The following HIRA variants were observed in gnomAD, a reference collection of about 807,000 sequenced individuals.
The protein encoded by HIRA is histone cell cycle regulator.
In HIRA, 13 loss-of-function variants were observed where a neutral mutation model predicts 126.6. The observed-to-expected ratio is 0.10, with a 90% CI of 0.07 to 0.16. The LOEUF is 0.16. Among genes scored for constraint, HIRA ranks in the 10% least tolerant of loss-of-function variants. The pLI, the probability that HIRA is intolerant of heterozygous loss-of-function variation, is 1.00. For missense variants in HIRA, 834 were observed against 1,314.4 expected, an observed-to-expected ratio of 0.63 and a Z score of 5.65; for synonymous variants, 511 against 520.0, an observed-to-expected ratio of 0.98 and a Z score of 0.24.
intron 1 of HIRA, among the ~76,000 whole-genome samples, chr22:19,426,713 A>G (rs2089491160): frequency 6.6e-6 from 1 of 152,226 alleles, no homozygotes; most frequent in Non-Finnish European, 1.5e-5. Context: ...TGTTTGTTGC[A>G]TAAATCAGTG....
At position 19,351,412 on chromosome 22, in the gene HIRA, G is replaced by T; in HGVS notation, c.2883C>A (p.Asp961Glu). 1 of 1,613,734 alleles carries T rather than the reference G, an allele frequency of 6.2e-7. No homozygotes were observed. The highest frequency in any genetic ancestry group is 8.5e-7 in the Non-Finnish European group (1 of 1,179,800). ...TGGAGTAGTGAACCGGACCCAGTAA[G>T]TCCTTGCATATTTCTCGAAGTCGGT... is the stretch of plus-strand genomic sequence containing the variant. The part of the protein sequence containing the change: ...FEYRLREICK[D>E]LLGPVHYSTG... The change falls in exon 24 of 25, where the codon GAC becomes GAA. Residue 961 changes from aspartate to glutamate, a missense_variant. By Grantham distance (45) the Asp-to-Glu change is conservative. Transcript: ENST00000263208. The surrounding 1 kb of genome is among the most constrained non-coding windows in gnomAD (Gnocchi z 4.8).
At chr22:19,331,629 G>T in intron 24 of HIRA, 73 bp from the exon 25 acceptor site, 1 of 1,392,892 alleles carries the variant, frequency 7.2e-7, no homozygotes, top group Non-Finnish European at 9.8e-7. Context: ...TTCCTGGCCT[G>T]GCAGAGAACC....
At chr22:19,406,632 A>C (rs891975780) in intron 4 of HIRA, among the ~76,000 whole-genome samples, 1 of 152,206 alleles carries the variant, frequency 6.6e-6, no homozygotes, top group Non-Finnish European at 1.5e-5. Flanking sequence ...CTGCTCTTGA[A>C]GCCACAGCCA....
At chr22:19,408,983 C>T (rs1187036921) in intron 2 of HIRA, among the ~76,000 whole-genome samples, 1 of 152,184 alleles carries the variant, frequency 6.6e-6, no homozygotes, top group East Asian at 1.9e-4. Flanking sequence ...AAGGGAAAGT[C>T]AATGTCATAA....
At chr22:19,409,091 G>A (rs1482802623) in intron 2 of HIRA, among the ~76,000 whole-genome samples, 2 of 152,262 alleles carry the variant, frequency 1.3e-5, no homozygotes, top group East Asian at 3.9e-4. Flanking sequence ...AATTTAGGCT[G>A]TTCCAGAGCC....
chr22:19,336,565 T>C (rs190596785), intron 24 of HIRA, among the ~76,000 whole-genome samples: 25 of 152,340 alleles, frequency 1.6e-4, no homozygotes, highest in Admixed American at 4.6e-4. Flanking sequence ...ACTTCACTGG[T>C]AGCATAACCA....
intron 11 of HIRA, among the ~76,000 whole-genome samples, chr22:19,386,103 C>T (rs563721308): frequency 3.9e-4 from 59 of 152,174 alleles, no homozygotes; most frequent in Non-Finnish European, 6.6e-4. Flanking sequence ...ACTCCTAGGA[C>T]CCAAATGATT....
intron 5 of HIRA, 105 bp downstream of exon 5, chr22:19,405,681 T>C (rs574311705): frequency 6.4e-6 from 6 of 935,386 alleles, no homozygotes; most frequent in Admixed American, 4.0e-5. Flanking sequence ...AGCCCAGACA[T>C]AGGGCTGCTT....
intron 1 of HIRA, among the ~76,000 whole-genome samples, chr22:19,417,700 G>T (rs936277569): frequency 6.6e-6 from 1 of 152,144 alleles, no homozygotes; most frequent in Non-Finnish European, 1.5e-5. Flanking sequence ...TACAGAAATT[G>T]TAACTCTTGT....
Position 19,331,273 on chromosome 22 carries a change from C to A in HIRA, c.*167G>T, listed in dbSNP as rs781932684. 1 of 1,549,348 alleles carries A rather than the reference C, an allele frequency of 6.5e-7. No homozygotes were observed. Reference sequence around the variant, plus strand: ...CTGAGGCAATGTCAGACCCAGGACACAGGGCACATCTGCCCAGGGAGCTGG... The same window carrying A: ...CTGAGGCAATGTCAGACCCAGGACAAAGGGCACATCTGCCCAGGGAGCTGG... On this transcript the variant is annotated 3_prime_UTR_variant, in exon 25 of 25. Coordinates refer to ENST00000263208, the MANE Select transcript of HIRA (RefSeq NM_003325.4).
At chr22:19,383,063 T>C (rs5748167) in intron 13 of HIRA, among the ~76,000 whole-genome samples, 26,856 of 151,870 alleles carry the variant, frequency 0.18, 4,564 homozygotes, top group African/African-American at 0.43. Context: ...AATCCTAGGA[T>C]GGGAATCTGG....
intron 1 of HIRA, among the ~76,000 whole-genome samples, chr22:19,417,613 T>G (rs1015465283): frequency 2.6e-5 from 4 of 152,092 alleles, no homozygotes; most frequent in African/African-American, 9.7e-5. Context: ...ACAGTGAGAC[T>G]CCGTCTCAAA....
At chr22:19,380,825 T>C (rs1040002098) in intron 13 of HIRA, among the ~76,000 whole-genome samples, 2 of 152,190 alleles carry the variant, frequency 1.3e-5, no homozygotes, top group African/African-American at 2.4e-5. Flanking sequence ...GGTTTCACCA[T>C]GTTGGCCAGG....
At chr22:19,384,115 C>T (rs532222094) in intron 12 of HIRA, among the ~76,000 whole-genome samples, 2 of 152,062 alleles carry the variant, frequency 1.3e-5, no homozygotes, top group Admixed American at 6.5e-5. Flanking sequence ...GTCAGGAGAT[C>T]GAGACCATTC....
At chr22:19,365,106 G>A (rs897062950) in intron 15 of HIRA, among the ~76,000 whole-genome samples, 1 of 152,260 alleles carries the variant, frequency 6.6e-6, no homozygotes, top group South Asian at 2.1e-4. Flanking sequence ...TGAGAGAGGT[G>A]AGGAAGCTGG....
At position 19,411,582 on chromosome 22, in the gene HIRA, T is replaced by C. The variant is rs573173110; in HGVS notation, c.38-804A>G. ...GCTACAAGTGGCATGTCAGTTGCTG[T>C]TGAGTTCATCACATCTTCAGCCTCT... is the stretch of plus-strand genomic sequence containing the variant. On this transcript the variant is annotated intron_variant, in intron 1 of 24. Transcript: ENST00000263208. Among the ~76,000 whole-genome samples, 29 of 152,348 alleles carry C rather than the reference T, an allele frequency of 1.9e-4. 1 individual carries two copies. In the South Asian group the frequency reaches 5.2e-3, roughly 27 times the overall value.
At chr22:19,398,774 C>T (rs1420159529) in intron 5 of HIRA, among the ~76,000 whole-genome samples, 4 of 152,088 alleles carry the variant, frequency 2.6e-5, no homozygotes, top group Non-Finnish European at 4.4e-5. Context: ...CCCAGAGGTA[C>T]AATACCAGCC....
At chr22:19,341,448 CAAAAA>C (rs55996019) in intron 24 of HIRA, among the ~76,000 whole-genome samples, 1,655 of 107,870 alleles carry the variant, frequency 0.015, 15 homozygotes, top group Non-Finnish European at 0.02. Context: ...GACCCTGTTT[CAAAAA>C]AAAAAAAAAA....
chr22:19,359,596 C>T, intron 17 of HIRA, 112 bp from the exon 18 acceptor site: 1 of 1,236,786 alleles, frequency 8.1e-7, no homozygotes, highest in Non-Finnish European at 1.1e-6. Flanking sequence ...CAGAGGCAGA[C>T]TGGCTGGCCA....
Sources: allele counts gnomAD v4.1 joint callset (sites outside exome capture counted in the v4.1 genomes callset), GRCh38; gene constraint gnomAD v4.1.1; non-coding constraint Gnocchi (gnomAD v3.1); transcripts MANE v1.5; gene names NCBI Gene and HGNC (gene_info 2026-07-23, HGNC 2026-07-21).